Variants in NAPG observed in about 807,000 individuals in gnomAD.
NAPG encodes the protein NSF attachment protein gamma.
A neutral mutation model predicts 48.4 loss-of-function variants in NAPG; 25 were observed. The observed-to-expected ratio is 0.52, with a 90% CI of 0.38 to 0.72. The LOEUF (loss-of-function observed/expected upper bound fraction) is 0.72. Among genes scored for constraint, NAPG ranks in the 30% least tolerant of loss-of-function variants. NAPG has a pLI of 0.00. For synonymous variants in NAPG, 139 were observed against 127.2 expected (o/e 1.09, Z -0.62); for missense variants, 359 against 372.5 (o/e 0.96, Z 0.30).
chr18:10,550,078 A>G lies in NAPG; in HGVS notation c.797A>G (p.Tyr266Cys), dbSNP rs1328434919. ...SPLFKYMDND[Y>C]AKLGLSLVVP... is the part of the protein sequence containing the mutation. Reference sequence around the variant, plus strand: ...AAGAACATGTTCTGTTGTTGACAGTATGCTAAGCTGGGCCTGAGTTTGGTG... The same window carrying G: ...AAGAACATGTTCTGTTGTTGACAGTGTGCTAAGCTGGGCCTGAGTTTGGTG... The change falls in exon 12 of 12, where the codon TAT becomes TGT. Residue 266 changes from tyrosine (Y) to cysteine (C), a missense_variant and splice_region_variant. Transcript: ENST00000322897. 1.9e-6 allele frequency: 3 copies of G among 1,557,816 alleles called. No homozygotes were observed. Among genetic ancestry groups the G allele is most frequent in the Non-Finnish European group, 1.7e-6 (2 of 1,159,166 alleles).
intron 8 of NAPG, 34 bp downstream of exon 8, chr18:10,540,433 C>G (rs903989364): frequency 1.3e-6 from 2 of 1,566,742 alleles, no homozygotes; most frequent in Non-Finnish European, 1.7e-6. Flanking sequence ...GTGTGTTTAA[C>G]TATACTTTGA....
At chr18:10,549,649 C>G (rs2032344620) in intron 11 of NAPG, among the ~76,000 whole-genome samples, 1 of 152,114 alleles carries the variant, frequency 6.6e-6, no homozygotes, top group African/African-American at 2.4e-5. Context: ...TAAAGTGAAC[C>G]ATGACTATAA....
intron 5 of NAPG, among the ~76,000 whole-genome samples, chr18:10,538,959 C>CA (rs1396221005): frequency 6.6e-6 from 1 of 152,154 alleles, no homozygotes; most frequent in African/African-American, 2.4e-5. Context: ...AATGAGATCT[C>CA]ACGCCAGTCA....
intron 1 of NAPG, among the ~76,000 whole-genome samples, chr18:10,528,015 G>C (rs2031855530): frequency 6.6e-6 from 1 of 152,022 alleles, no homozygotes. Context: ...GTGAAACCCT[G>C]TCTCTACTAA....
Position 10,543,874 on chromosome 18 carries a change from G to A in NAPG, c.507-2452G>A, listed in dbSNP as rs868498872. On this transcript the variant is annotated intron_variant, in intron 8 of 11. Coordinates refer to ENST00000322897, the MANE Select transcript of NAPG (RefSeq NM_003826.3). This position sits in a 1 kb window ranked among gnomAD's most constrained non-coding sequence, Gnocchi z 4.4. ...GATGGCTTTGTATGCTAATTTCATG[G>A]CCTTTTAGCAAAGTCGATCAACTTT... is the stretch of plus-strand genomic sequence containing the variant. Among the ~76,000 whole-genome samples, 11 of 152,222 alleles carry A rather than the reference G, an allele frequency of 7.2e-5. No individual in the cohort carries two copies. The highest frequency in any genetic ancestry group is 6.8e-3 in the Middle Eastern group (2 of 294).
In NAPG at chr18:10,543,305, A is replaced by G. The variant is rs2032194667; in HGVS notation, c.506+2906A>G. ...GCAAAGAAAAGAGCTGCTTCTCACC[A>G]GTTGTCTGAGACAGTCACTAGATCC... On this transcript the variant is annotated intron_variant, in intron 8 of 11. Coordinates refer to ENST00000322897, the MANE Select transcript of NAPG (RefSeq NM_003826.3). This position sits in a 1 kb window ranked among gnomAD's most constrained non-coding sequence, Gnocchi z 4.4. 6.6e-6 allele frequency among the ~76,000 whole-genome samples: 1 copy of G among 152,074 alleles called. No individual in the cohort carries two copies. The highest frequency in any genetic ancestry group is 2.4e-5 in the African/African-American group (1 of 41,402).
At chr18:10,536,505 T>C (rs574650297) in intron 5 of NAPG, among the ~76,000 whole-genome samples, 1 of 152,300 alleles carries the variant, frequency 6.6e-6, no homozygotes, top group African/African-American at 2.4e-5. Context: ...TCCTGTTTGC[T>C]CCACTGGCAC....
rs750916988 is a variant in NAPG, at chr18:10,540,039, A to T, written c.420A>T (p.Thr140=). The change falls in exon 7 of 12, where the codon ACA becomes ACT. Residue 140 remains threonine, a synonymous_variant. Coordinates refer to ENST00000322897, the MANE Select transcript of NAPG (RefSeq NM_003826.3). ...PEKAVQLYQQ[T]ANVFENEERL... ...AGGCTGTACAGTTATATCAACAGAC[A>T]GCTAATGTGTTTGAAGTAAGTTTGA... 1.3e-6 allele frequency: 2 copies of T among 1,585,562 alleles called. No homozygotes were observed. Among genetic ancestry groups the T allele is most frequent in the South Asian group, 2.3e-5 (2 of 87,536 alleles).
chr18:10,529,626 G>A (rs1039451262), intron 1 of NAPG, among the ~76,000 whole-genome samples: 9 of 152,150 alleles, frequency 5.9e-5, no homozygotes, highest in African/African-American at 2.2e-4. Flanking sequence ...GGTGGCACAA[G>A]CCTGTAATCC....
Position 10,546,340 on chromosome 18 carries a change from C to T in NAPG, c.521C>T (p.Ala174Val), listed in dbSNP as rs760377669. The T allele has an allele frequency of 4.9e-5, 77 of 1,581,112 alleles. No individual in the cohort carries two copies. The highest frequency in any genetic ancestry group is 6.5e-5 in the Non-Finnish European group (75 of 1,159,806). ...TTTTGTTTTAGGTTTGATGAGGCGG[C>T]ACTCTCTATTCAGAAAGAAAAAAAT... ...LVRGRRFDEA[A>V]LSIQKEKNIY... Residue 174 changes from alanine to valine, a missense_variant, in exon 9 of 12, where the codon GCA becomes GTA. Ala to Val is a moderately conservative substitution (Grantham distance 64). Coordinates refer to ENST00000322897, the MANE Select transcript of NAPG (RefSeq NM_003826.3). The surrounding 1 kb of genome is among the most constrained non-coding windows in gnomAD (Gnocchi z 4.0).
chr18:10,540,241 C>A, intron 7 of NAPG, 88 bp from the exon 8 acceptor site: 1 of 1,212,416 alleles, frequency 8.2e-7, no homozygotes. Flanking sequence ...TGATCCAGTG[C>A]CATTACTTCT....
intron 1 of NAPG, among the ~76,000 whole-genome samples, chr18:10,528,750 G>A (rs1356533697): frequency 6.6e-6 from 1 of 152,108 alleles, no homozygotes; most frequent in Non-Finnish European, 1.5e-5. Context: ...GATGTGATTG[G>A]TGGGTAGGTC....
intron 5 of NAPG, among the ~76,000 whole-genome samples, chr18:10,538,826 T>C (rs1158515123): frequency 6.6e-6 from 1 of 150,694 alleles, no homozygotes; most frequent in Non-Finnish European, 1.5e-5. Flanking sequence ...TTGCCCACTT[T>C]TTGATTGGGT....
At chr18:10,540,441 T>C in intron 8 of NAPG, 42 bp downstream of exon 8, 2 of 1,535,800 alleles carry the variant, frequency 1.3e-6, no homozygotes, top group Middle Eastern at 1.7e-4. Context: ...AACTATACTT[T>C]GAATCCACAT....
At chr18:10,537,965 T>A (rs2032069795) in intron 5 of NAPG, among the ~76,000 whole-genome samples, 2 of 152,208 alleles carry the variant, frequency 1.3e-5, no homozygotes, top group South Asian at 4.1e-4. Flanking sequence ...AGGGACTGAA[T>A]AGGCAGATTT....
At position 10,543,135 on chromosome 18, in the gene NAPG, CAA is replaced by C. The variant is rs199992167; in HGVS notation, c.506+2750_506+2751del. Among the ~76,000 whole-genome samples, 33 of 106,342 alleles carry C rather than the reference CAA, an allele frequency of 3.1e-4. No homozygotes were observed. The highest frequency in any genetic ancestry group is 3.1e-4 in the Admixed American group (3 of 9,568). 69.8% of individuals were successfully genotyped at this position (106,342 alleles called of 152,430 possible). On this transcript the variant is annotated intron_variant, in intron 8 of 11. Transcript: ENST00000322897. The surrounding 1 kb of genome is among the most constrained non-coding windows in gnomAD (Gnocchi z 4.4). The stretch of plus-strand genomic sequence containing the variant: ...ACAGGTTGCAGTGAGACTCCCATCT[CAA>C]AAAAAAAAAAAAAGAAAAGAAAAGA...
chr18:10,545,281 C>T (rs1290640557), intron 8 of NAPG, among the ~76,000 whole-genome samples: 1 of 152,100 alleles, frequency 6.6e-6, no homozygotes, highest in African/African-American at 2.4e-5. Flanking sequence ...CACTGCACTC[C>T]AGCCTGGGCA....
Position 10,526,069 on chromosome 18 carries a change from A to G in NAPG, c.-34A>G, listed in dbSNP as rs1301820766. On this transcript the variant is annotated 5_prime_UTR_variant, in exon 1 of 12. Coordinates refer to ENST00000322897, the MANE Select transcript of NAPG (RefSeq NM_003826.3). ...TGGCGCCGGAGGAAGAGGCAGGGTC[A>G]CCCTCTCTCCACGTCAGAGACCTGA... 4 of 1,605,424 alleles carry G rather than the reference A, an allele frequency of 2.5e-6. No homozygotes were observed. The African/African-American group carries it at 4.0e-5, about 16-fold the overall frequency.
intron 5 of NAPG, among the ~76,000 whole-genome samples, chr18:10,535,975 G>A (rs937723873): frequency 7.9e-5 from 12 of 152,094 alleles, no homozygotes; most frequent in African/African-American, 1.7e-4. Flanking sequence ...GTCTTCTTAT[G>A]TCTCATTTTC....
Sources: allele counts gnomAD v4.1 joint callset (sites outside exome capture counted in the v4.1 genomes callset), GRCh38; gene constraint gnomAD v4.1.1; non-coding constraint Gnocchi (gnomAD v3.1); transcripts MANE v1.5; gene names NCBI Gene and HGNC (gene_info 2026-07-23, HGNC 2026-07-21).